Variants in TMEM150C observed in about 807,000 individuals in gnomAD.
TMEM150C encodes tentonin 3.
TMEM150C carries 10 observed loss-of-function variants against 29.9 expected under a neutral mutation model. The observed-to-expected ratio is 0.33, with a 90% CI of 0.21 to 0.57. TMEM150C has a LOEUF of 0.57. Among genes scored for constraint, TMEM150C ranks in the 20% least tolerant of loss-of-function variants. The pLI is 0.88. For synonymous variants in TMEM150C, 101 were observed against 112.5 expected, an observed-to-expected ratio of 0.90 and a Z score of 0.64; for missense variants, 251 against 303.6, an observed-to-expected ratio of 0.83 and a Z score of 1.29.
intron 1 of TMEM150C, among the ~76,000 whole-genome samples, chr4:82,560,389 T>C (rs1725881914): frequency 6.6e-6 from 1 of 152,234 alleles, no homozygotes; most frequent in Non-Finnish European, 1.5e-5. Flanking sequence ...ATTTACCATG[T>C]CCAGTTTGTG....
chr4:82,501,549 A>C (rs1723737846), intron 5 of TMEM150C, among the ~76,000 whole-genome samples: 1 of 152,170 alleles, frequency 6.6e-6, no homozygotes, highest in East Asian at 1.9e-4. Context: ...GCTCCAGGGA[A>C]GAATCTTGCT....
At position 82,490,235 on chromosome 4, in the gene TMEM150C, T is replaced by G; in HGVS notation, c.367A>C (p.Thr123Pro). The change falls in exon 7 of 8, where the codon ACA becomes CCA. Residue 123 changes from threonine (T) to proline (P), a missense_variant. Physicochemically the swap from Thr to Pro is conservative, Grantham distance 38 (BLOSUM62 -1). Coordinates refer to ENST00000449862, the MANE Select transcript of TMEM150C (RefSeq NM_001080506.3). ...ACGTTATGGATTTCTTCATCATTTG[T>G]GAGCTTAGGGATGAATGGATAATGA... ...GMTLLGNFQL[T>P]NDEEIHNVGT... The G allele has an allele frequency of 6.2e-7, 1 of 1,613,826 alleles. No individual in the cohort carries two copies. Among genetic ancestry groups the G allele is most frequent in the Non-Finnish European group, 8.5e-7 (1 of 1,179,798 alleles).
intron 1 of TMEM150C, among the ~76,000 whole-genome samples, chr4:82,545,357 T>C (rs1336460672): frequency 6.6e-6 from 1 of 152,120 alleles, no homozygotes; most frequent in Non-Finnish European, 1.5e-5. Flanking sequence ...TCTTTCATGA[T>C]AAAAATAAAG....
Position 82,490,062 on chromosome 4 carries a change from G to A in TMEM150C, c.540C>T (p.Leu180=), listed in dbSNP as rs144473342. 893 of 1,613,708 alleles carry A rather than the reference G, an allele frequency of 5.5e-4. 3 individuals are homozygous for A. The highest frequency in any genetic ancestry group is 4.7e-4 in the Non-Finnish European group (553 of 1,179,766). ...LSASITLCVV[L]YFILMAQSIH... ...AAGCTTTTCACGTTCAAAGGATACA[G>A]AGGACCACACAGAGAGTGATAGATG... The change falls in exon 7 of 8, where the codon CTC becomes CTT. Residue 180 remains leucine, a splice_region_variant and synonymous_variant. Transcript: ENST00000449862.
intron 1 of TMEM150C, among the ~76,000 whole-genome samples, chr4:82,535,770 T>A (rs537484148): frequency 6.6e-6 from 1 of 152,292 alleles, no homozygotes; most frequent in Non-Finnish European, 1.5e-5. Context: ...ATATCTAATA[T>A]GGGGAAGGTT....
chr4:82,487,998 T>C (rs763056725), intron 7 of TMEM150C, among the ~76,000 whole-genome samples: 1 of 152,162 alleles, frequency 6.6e-6, no homozygotes, highest in Non-Finnish European at 1.5e-5. Context: ...CATGAATAAG[T>C]TCTTTAGTGA....
intron 1 of TMEM150C, among the ~76,000 whole-genome samples, chr4:82,557,547 C>T (rs190508012): frequency 6.6e-6 from 1 of 152,052 alleles, no homozygotes; most frequent in Admixed American, 6.6e-5. Flanking sequence ...TGCAAAAGAG[C>T]AAATAAGCCC....
chr4:82,541,881 A>G (rs1469628953), intron 1 of TMEM150C, among the ~76,000 whole-genome samples: 2 of 152,232 alleles, frequency 1.3e-5, no homozygotes, highest in African/African-American at 4.8e-5. Flanking sequence ...GGTTCCCATA[A>G]TAGTAACAGC....
intron 1 of TMEM150C, among the ~76,000 whole-genome samples, chr4:82,539,613 C>T (rs1182732487): frequency 6.6e-6 from 1 of 152,126 alleles, no homozygotes; most frequent in African/African-American, 2.4e-5. Flanking sequence ...CCACCACGCC[C>T]GGCTAATTTT....
chr4:82,558,015 G>A (rs1725795798), intron 1 of TMEM150C, among the ~76,000 whole-genome samples: 1 of 152,156 alleles, frequency 6.6e-6, no homozygotes, highest in Non-Finnish European at 1.5e-5. Flanking sequence ...ACAAGCGTGA[G>A]ACACTGCACG....
At chr4:82,539,346 C>T (rs944486001) in intron 1 of TMEM150C, among the ~76,000 whole-genome samples, 2 of 151,830 alleles carry the variant, frequency 1.3e-5, no homozygotes, top group African/African-American at 2.4e-5. Context: ...GGTCTAATTA[C>T]AATAACATAG....
At chr4:82,485,952 T>C (rs1723146651) in intron 7 of TMEM150C, among the ~76,000 whole-genome samples, 1 of 152,210 alleles carries the variant, frequency 6.6e-6, no homozygotes, top group South Asian at 2.1e-4. Flanking sequence ...TATCACTTAA[T>C]CCTCACAACA....
intron 6 of TMEM150C, chr4:82,491,521 A>C (rs2110063093): frequency 1.5e-6 from 1 of 671,924 alleles, no homozygotes; most frequent in Admixed American, 2.2e-5. Context: ...CCAATGCCAA[A>C]ATTCTTAGGC....
At chr4:82,504,827 G>A (rs1015608131) in intron 1 of TMEM150C, among the ~76,000 whole-genome samples, 160 bp from the exon 2 acceptor site, 5 of 152,014 alleles carry the variant, frequency 3.3e-5, no homozygotes, top group East Asian at 1.9e-4. Context: ...TCAGGAGATC[G>A]AGACCATCCT....
intron 1 of TMEM150C, among the ~76,000 whole-genome samples, chr4:82,535,742 T>C (rs79252218): frequency 0.18 from 26,868 of 152,104 alleles, 2,335 homozygotes; most frequent in Middle Eastern, 0.31. Flanking sequence ...GTAGCAGCAG[T>C]AGTTTATGCA....
intron 1 of TMEM150C, among the ~76,000 whole-genome samples, chr4:82,540,318 C>A (rs1490177204): frequency 6.6e-6 from 1 of 150,926 alleles, no homozygotes; most frequent in East Asian, 1.9e-4. Context: ...CACTATGTGG[C>A]CCAGGCTGGT....
At chr4:82,486,361 A>AAAAG (rs1553904912) in intron 7 of TMEM150C, among the ~76,000 whole-genome samples, 9 of 150,700 alleles carry the variant, frequency 6.0e-5, no homozygotes, top group Admixed American at 3.3e-4. Flanking sequence ...AAAAAAAAAA[A>AAAAG]AAGAAGAAAG....
intron 1 of TMEM150C, among the ~76,000 whole-genome samples, chr4:82,524,967 G>T (rs530284354): frequency 6.6e-6 from 1 of 152,212 alleles, no homozygotes; most frequent in Non-Finnish European, 1.5e-5. Context: ...GATTTTTACC[G>T]ATGAGGAGGA....
At chr4:82,553,705 TA>T (rs777813526) in intron 1 of TMEM150C, among the ~76,000 whole-genome samples, 2 of 152,198 alleles carry the variant, frequency 1.3e-5, no homozygotes, top group Non-Finnish European at 2.9e-5. Flanking sequence ...CAATAGCTAA[TA>T]AAAAGCAACA....
Sources: gnomAD v4.1 joint callset for allele counts (sites outside exome capture counted in the v4.1 genomes callset) on GRCh38, gnomAD v4.1.1 for gene constraint, MANE v1.5 for transcripts, NCBI Gene and HGNC (gene_info 2026-07-23, HGNC 2026-07-21) for gene names.